Variants in ADARB2 observed in about 807,000 individuals in gnomAD.
ADARB2 encodes the protein adenosine deaminase RNA specific B2 (inactive).
A neutral mutation model predicts 62.2 loss-of-function variants in ADARB2; 25 were observed. The observed-to-expected ratio is 0.40, with a 90% CI of 0.29 to 0.56. The LOEUF is 0.56. ADARB2 is among the 20% of genes least tolerant of loss of function. The pLI is 0.43. For missense variants in ADARB2, 1,071 were observed against 1,077.4 expected, an observed-to-expected ratio of 0.99 and a Z score of 0.08; for synonymous variants, 572 against 500.8, an observed-to-expected ratio of 1.14 and a Z score of -1.90.
At chr10:1,352,165 T>G (rs373092466) in intron 3 of ADARB2, among the ~76,000 whole-genome samples, 5,176 of 151,600 alleles carry the variant, frequency 0.034, 121 homozygotes, top group South Asian at 0.09. Flanking sequence ...ACCTATCTTG[T>G]CATAATTCTC....
chr10:1,461,344 G>T (rs1831172130), intron 1 of ADARB2, among the ~76,000 whole-genome samples: 1 of 152,190 alleles, frequency 6.6e-6, no homozygotes, highest in African/African-American at 2.4e-5. Context: ...CTGCAGTCCT[G>T]ATGTTTGGTT....
chr10:1,737,191 T>C lies in ADARB2; in HGVS notation c.-41A>G, dbSNP rs1835313288. 4 of 1,581,924 alleles carry C rather than the reference T, an allele frequency of 2.5e-6. No individual in the cohort carries two copies. Among genetic ancestry groups the C allele is most frequent in the Non-Finnish European group, 3.4e-6 (4 of 1,164,500 alleles). ...GCGGAGCCCAGAGCCGCCTCCCTCC[T>C]GCACCTGCACCTGCCTCCTTCCCGG... is the stretch of plus-strand genomic sequence containing the variant. On this transcript the variant is annotated 5_prime_UTR_variant, in exon 1 of 10. Coordinates refer to ENST00000381312, the MANE Select transcript of ADARB2 (RefSeq NM_018702.4).
chr10:1,666,220 C>T (rs1418274760), intron 1 of ADARB2, among the ~76,000 whole-genome samples: 1 of 152,220 alleles, frequency 6.6e-6, no homozygotes, highest in East Asian at 1.9e-4. Context: ...GGAGCAAGTG[C>T]CAGGGTGACA....
At chr10:1,647,407 G>T (rs1047711824) in intron 1 of ADARB2, among the ~76,000 whole-genome samples, 6 of 143,956 alleles carry the variant, frequency 4.2e-5, no homozygotes, top group Admixed American at 3.6e-4. Flanking sequence ...GCATACATGT[G>T]TGTGCATATA....
Position 1,242,276 on chromosome 10 carries a change from C to T in ADARB2, c.1216G>A (p.Val406Ile). Residue 406 changes from valine (V) to isoleucine (I), a missense_variant, in exon 5 of 10, where the codon GTC (valine) becomes ATC (isoleucine). Physicochemically the swap from Val to Ile is conservative, Grantham distance 29. Transcript: ENST00000381312. ...TTGGTCCCCGAGGACAGGGCCACGACCTGCGCCTGCCGAGCATCCAGGCCT... is the reference window on the plus strand; with the variant it reads ...TTGGTCCCCGAGGACAGGGCCACGATCTGCGCCTGCCGAGCATCCAGGCCT... ...TKGLDARQAQ[V>I]VALSSGTKCI... The T allele has an allele frequency of 1.9e-6, 3 of 1,567,546 alleles. No homozygotes were observed. Among genetic ancestry groups the T allele is most frequent in the Non-Finnish European group, 2.6e-6 (3 of 1,158,184 alleles).
At chr10:1,587,733 T>G (rs1283798740) in intron 1 of ADARB2, among the ~76,000 whole-genome samples, 1 of 152,208 alleles carries the variant, frequency 6.6e-6, no homozygotes, top group Non-Finnish European at 1.5e-5. Flanking sequence ...CATCTTGAAT[T>G]GTAGCTCCCA....
At chr10:1,650,120 G>A (rs1834091485) in intron 1 of ADARB2, among the ~76,000 whole-genome samples, 1 of 152,222 alleles carries the variant, frequency 6.6e-6, no homozygotes, top group South Asian at 2.1e-4. Context: ...CATAAATATG[G>A]TGGTGGTGTC....
At chr10:1,674,350 T>G (rs1233948138) in intron 1 of ADARB2, among the ~76,000 whole-genome samples, 1 of 152,250 alleles carries the variant, frequency 6.6e-6, no homozygotes, top group African/African-American at 2.4e-5. Flanking sequence ...TGGCTGCGTA[T>G]GTTGGCACTG....
At chr10:1,618,980 G>A (rs1348598991) in intron 1 of ADARB2, among the ~76,000 whole-genome samples, 1 of 152,202 alleles carries the variant, frequency 6.6e-6, no homozygotes, top group Non-Finnish European at 1.5e-5. Flanking sequence ...CGAAGGAACT[G>A]TAGCTTCTTG....
chr10:1,586,045 C>T (rs367869353), intron 1 of ADARB2, among the ~76,000 whole-genome samples: 5 of 152,022 alleles, frequency 3.3e-5, no homozygotes, highest in Non-Finnish European at 5.9e-5. Context: ...AACAAACAAA[C>T]GAACAAAAAA....
chr10:1,356,546 C>G (rs539629788), intron 3 of ADARB2, among the ~76,000 whole-genome samples: 1 of 152,170 alleles, frequency 6.6e-6, no homozygotes, highest in Non-Finnish European at 1.5e-5. Flanking sequence ...ACTGAAGCCT[C>G]CCAGGGCACT....
rs369586210 is a variant in ADARB2 at position 1,205,103 on chromosome 10, G to A, written c.1683-4956C>T. 4.1e-4 allele frequency among the ~76,000 whole-genome samples: 62 copies of A among 152,278 alleles called. 1 individual carries two copies. Among genetic ancestry groups the A allele is most frequent in the African/African-American group, 1.5e-3 (61 of 41,550 alleles). ...CGGCCGCCATTCTGCAGAGACTCCT[G>A]AGTCCGTGAAGTGGATCCAGGGCCT... On this transcript the variant is annotated intron_variant, in intron 7 of 9. Transcript: ENST00000381312.
intron 1 of ADARB2, among the ~76,000 whole-genome samples, chr10:1,471,239 C>T (rs1588269932): frequency 6.6e-6 from 1 of 152,212 alleles, no homozygotes; most frequent in East Asian, 1.9e-4. Flanking sequence ...CCAGCATTCT[C>T]CTTGTAAAAC....
chr10:1,354,448 C>A (rs1832174603), intron 3 of ADARB2, among the ~76,000 whole-genome samples: 1 of 152,118 alleles, frequency 6.6e-6, no homozygotes, highest in Non-Finnish European at 1.5e-5. Context: ...ATAAAACGGC[C>A]CCACCCCCAT....
intron 1 of ADARB2, among the ~76,000 whole-genome samples, chr10:1,734,106 A>G (rs1224098075): frequency 1.3e-5 from 2 of 151,964 alleles, no homozygotes; most frequent in African/African-American, 4.8e-5. Context: ...AATAATTTCT[A>G]AAAGAAAGTC....
chr10:1,678,615 T>C (rs886273801), intron 1 of ADARB2, among the ~76,000 whole-genome samples: 7 of 152,150 alleles, frequency 4.6e-5, no homozygotes, highest in African/African-American at 1.4e-4. Context: ...TTACCCTCCC[T>C]GGAGTCCCTT....
At chr10:1,481,725 C>T (rs546599273) in intron 1 of ADARB2, among the ~76,000 whole-genome samples, 20 of 151,784 alleles carry the variant, frequency 1.3e-4, no homozygotes, top group East Asian at 5.8e-4. Context: ...GGTATGGGGG[C>T]GGGTGCCTGT....
At chr10:1,631,246 T>A (rs1422866400) in intron 1 of ADARB2, among the ~76,000 whole-genome samples, 1 of 152,062 alleles carries the variant, frequency 6.6e-6, no homozygotes, top group Non-Finnish European at 1.5e-5. Context: ...CTTCTTTACT[T>A]TCTTCCTTCC....
intron 1 of ADARB2, among the ~76,000 whole-genome samples, chr10:1,519,124 G>A (rs998606616): frequency 2.0e-5 from 3 of 147,954 alleles, no homozygotes; most frequent in African/African-American, 7.5e-5. Flanking sequence ...CATTCATTCC[G>A]TGTAATGTCT....
Sources: allele counts gnomAD v4.1 joint callset (sites outside exome capture counted in the v4.1 genomes callset), GRCh38; gene constraint gnomAD v4.1.1; transcripts MANE v1.5; gene names NCBI Gene and HGNC (gene_info 2026-07-23, HGNC 2026-07-21).